The following ISM2 variants were observed in gnomAD, a reference collection of about 807,000 sequenced individuals.
ISM2 encodes isthmin 2.
A neutral mutation model predicts 58.0 loss-of-function variants in ISM2; 50 were observed. The ratio of observed to expected loss-of-function variants is 0.86; its 90% CI spans 0.69 to 1.09. ISM2 has a LOEUF of 1.09. Ranked by LOEUF, ISM2 falls within the 50% of genes least tolerant of loss-of-function variation. The pLI, the probability that ISM2 is intolerant of heterozygous loss-of-function variation, is 0.00. For synonymous variants in ISM2, 303 were observed against 312.4 expected (o/e 0.97, Z 0.32); for missense variants, 723 against 745.0 (o/e 0.97, Z 0.34).
rs1396796455 is a variant in ISM2, at chr14:77,487,669, G to A, written c.142-2750C>T. Among the ~76,000 whole-genome samples the A allele has an allele frequency of 5.9e-5, 9 of 152,262 alleles. No individual in the cohort carries two copies. The East Asian group carries it at 1.5e-3, about 26-fold the overall frequency. ...GGGAGTGGAAAGAGATGTGGGGAAC[G>A]TCTCATCTTAGTTTGGGTTCTCTTG... is the stretch of plus-strand genomic sequence containing the variant. On this transcript the variant is annotated intron_variant, in intron 1 of 6. Transcript: ENST00000342219.
intron 6 of ISM2, 142 bp downstream of exon 6, chr14:77,478,100 T>G: frequency 1.4e-6 from 1 of 715,448 alleles, no homozygotes; most frequent in Non-Finnish European, 2.4e-6. Context: ...GGGCCCCCTG[T>G]TGGAGAAGCA....
rs1652596413 is a variant in ISM2, at chr14:77,493,813, T to G, written c.141+4840A>C. 2.0e-5 allele frequency among the ~76,000 whole-genome samples: 3 copies of G among 150,014 alleles called. No individual in the cohort carries two copies. The South Asian group carries it at 6.4e-4, about 32-fold the overall frequency. On this transcript the variant is annotated intron_variant, in intron 1 of 6. Coordinates refer to ENST00000342219, the MANE Select transcript of ISM2 (RefSeq NM_199296.3). ...CTGAGATGGAGTCTCGCTCTGTCGC[T>G]CAGGCTGGAATGCAGTGGCGCGATC... is the stretch of plus-strand genomic sequence containing the variant.
rs1479547589 is a variant in ISM2, at chr14:77,498,785, CGCACGCATCGT to C, written c.-3_8del. On this transcript the variant is annotated start_lost and 5_prime_UTR_variant, in exon 1 of 7. Transcript: ENST00000342219. ...GGAGGAGCCCGGCTCGGTCGCGGAGCGCACGCATCGTCTCGGTTCCGAGGCTGCTCTGCCTG... is the reference window on the plus strand; with the variant it reads ...GGAGGAGCCCGGCTCGGTCGCGGAGCCTCGGTTCCGAGGCTGCTCTGCCTG... 6.9e-7 allele frequency: 1 copy of C among 1,445,886 alleles called. No individual in the cohort carries two copies. The highest frequency in any genetic ancestry group is 9.0e-7 in the Non-Finnish European group (1 of 1,109,036). 89.6% of individuals were successfully genotyped at this position (1,445,886 alleles called of 1,614,324 possible). A position where few individuals can be genotyped will look rare whatever the true frequency, so the allele number is the denominator to read the frequency against.
In ISM2 at chr14:77,484,341, G is replaced by T; in HGVS notation, c.609C>A (p.Thr203=). The T allele has an allele frequency of 6.2e-7, 1 of 1,611,692 alleles. No individual in the cohort carries two copies. The highest frequency in any genetic ancestry group is 8.5e-7 in the Non-Finnish European group (1 of 1,178,618). Residue 203 remains threonine, a synonymous_variant, in exon 3 of 7, where the codon ACC becomes ACA. Coordinates refer to ENST00000342219, the MANE Select transcript of ISM2 (RefSeq NM_199296.3). The part of the protein sequence containing the change: ...LPELVHATLS[T]PNPDNQVTIK... ...CTCTCACCTGGTTATCAGGGTTAGGGGTACTCAAGGTTGCGTGGACCAATT... is the reference window on the plus strand; with the variant it reads ...CTCTCACCTGGTTATCAGGGTTAGGTGTACTCAAGGTTGCGTGGACCAATT...
At chr14:77,498,590 G>A in intron 1 of ISM2, 63 bp downstream of exon 1, 1 of 1,395,108 alleles carries the variant, frequency 7.2e-7, no homozygotes, top group Non-Finnish European at 9.3e-7. Flanking sequence ...CACGGCTGGA[G>A]CCGGCGGGCT....
intron 1 of ISM2, among the ~76,000 whole-genome samples, chr14:77,490,960 G>C (rs1012029970): frequency 3.3e-5 from 5 of 152,232 alleles, no homozygotes; most frequent in African/African-American, 9.6e-5. Flanking sequence ...CACAGGCTTG[G>C]CACCACACAG....
At chr14:77,489,124 A>G (rs2079185625) in intron 1 of ISM2, among the ~76,000 whole-genome samples, 1 of 152,042 alleles carries the variant, frequency 6.6e-6, no homozygotes, top group African/African-American at 2.4e-5. Flanking sequence ...CAGAGTCCCA[A>G]TCCCCACAGA....
intron 1 of ISM2, chr14:77,498,326 G>T: frequency 7.2e-7 from 1 of 1,389,574 alleles, no homozygotes; most frequent in Non-Finnish European, 9.5e-7. Context: ...CCTGGAAAGG[G>T]GGCTGCAGGC....
At chr14:77,490,266 G>A (rs1357243884) in intron 1 of ISM2, among the ~76,000 whole-genome samples, 2 of 152,238 alleles carry the variant, frequency 1.3e-5, no homozygotes, top group African/African-American at 4.8e-5. Context: ...CAAAGTGCTG[G>A]GATTACAGGC....
chr14:77,493,753 C>T (rs759747480), intron 1 of ISM2, among the ~76,000 whole-genome samples: 1 of 149,824 alleles, frequency 6.7e-6, no homozygotes, highest in Non-Finnish European at 1.5e-5. Flanking sequence ...TGAGCCACTG[C>T]GGCCAGCCGA....
chr14:77,482,095 A>C (rs2079135546), intron 4 of ISM2, among the ~76,000 whole-genome samples: 1 of 151,834 alleles, frequency 6.6e-6, no homozygotes, highest in Non-Finnish European at 1.5e-5. Context: ...CCTGGGTAAC[A>C]GAGCGAGACC....
chr14:77,475,452 G>T lies in ISM2; in HGVS notation c.*143C>A. ...GATATCTGCTTCGGGGTCGCTGGCA[G>T]AGGGCACACAGCCTCGGACCAACCT... On this transcript the variant is annotated 3_prime_UTR_variant, in exon 7 of 7. Transcript: ENST00000342219. The surrounding 1 kb of genome is among the most constrained non-coding windows in gnomAD (Gnocchi z 4.1). The T allele has an allele frequency of 1.3e-6, 1 of 789,424 alleles. No individual in the cohort carries two copies. Among genetic ancestry groups the T allele is most frequent in the Non-Finnish European group, 2.0e-6 (1 of 509,330 alleles). The allele number at this position is 789,424 out of a possible 1,614,324, so 48.9% of individuals were successfully genotyped here. A position where few individuals can be genotyped will look rare whatever the true frequency, so the allele number is the denominator to read the frequency against.
At position 77,484,397 on chromosome 14, in the gene ISM2, G is replaced by T. The variant is rs1362370152; in HGVS notation, c.553C>A (p.Pro185Thr). ...AGCTTCTGCAGCTCCAGCAGCAAGG[G>T]AGTAACCTCCTGGGTCCTGGGAGGC... is the stretch of plus-strand genomic sequence containing the variant. ...ATPPRTQEVT[P>T]LLLELQKLPE... Residue 185 changes from proline (P) to threonine (T), a missense_variant, in exon 3 of 7, where the codon CCC becomes ACC. Coordinates refer to ENST00000342219, the MANE Select transcript of ISM2 (RefSeq NM_199296.3). The T allele has an allele frequency of 6.2e-7, 1 of 1,612,960 alleles. No homozygotes were observed. The highest frequency in any genetic ancestry group is 8.5e-7 in the Non-Finnish European group (1 of 1,179,646).
intron 4 of ISM2, among the ~76,000 whole-genome samples, chr14:77,481,229 A>T (rs1354803231): frequency 6.6e-6 from 1 of 151,944 alleles, no homozygotes; most frequent in Non-Finnish European, 1.5e-5. Context: ...AATCTCAGCT[A>T]CTTGGGAGGC....
chr14:77,482,186 T>C (rs112231223), intron 4 of ISM2, 136 bp downstream of exon 4: 1 of 585,704 alleles, frequency 1.7e-6, no homozygotes. Flanking sequence ...GAGTTGATGA[T>C]GGTGTTTGAA....
intron 1 of ISM2, among the ~76,000 whole-genome samples, chr14:77,491,407 G>A (rs1224280286): frequency 6.6e-6 from 1 of 152,220 alleles, no homozygotes; most frequent in African/African-American, 2.4e-5. Flanking sequence ...TTTTTAAATA[G>A]AGATAGGGTC....
chr14:77,484,993 G>T, intron 1 of ISM2, 74 bp from the exon 2 acceptor site: 1 of 1,477,034 alleles, frequency 6.8e-7, no homozygotes, highest in Non-Finnish European at 9.1e-7. Flanking sequence ...GGCTGGCCAG[G>T]CAGATCCAGG....
intron 1 of ISM2, among the ~76,000 whole-genome samples, chr14:77,496,445 G>A (rs949853346): frequency 4.0e-5 from 6 of 151,004 alleles, no homozygotes; most frequent in Non-Finnish European, 5.9e-5. Context: ...CCAAGATCAC[G>A]CCATTGCACT....
intron 4 of ISM2, among the ~76,000 whole-genome samples, chr14:77,481,917 T>G (rs1028872349): frequency 6.7e-6 from 1 of 150,084 alleles, no homozygotes. Context: ...CTCTGCAACA[T>G]AGGGAGACCT....
Sources: allele counts gnomAD v4.1 joint callset (sites outside exome capture counted in the v4.1 genomes callset), GRCh38; gene constraint gnomAD v4.1.1; non-coding constraint Gnocchi (gnomAD v3.1); transcripts MANE v1.5; gene names NCBI Gene and HGNC (gene_info 2026-07-23, HGNC 2026-07-21).